The following ATG2A variants were observed in gnomAD, a reference collection of about 807,000 sequenced individuals.
ATG2A encodes autophagy related 2A.
Under a neutral mutation model 214.2 loss-of-function variants are expected in ATG2A, and 103 were observed. That is an observed-to-expected ratio of 0.48 (90% CI 0.41 to 0.57). The LOEUF (loss-of-function observed/expected upper bound fraction) is 0.57. ATG2A is among the 20% of genes least tolerant of loss of function. The probability of loss-of-function intolerance (pLI) is 0.00; values close to 1 mark genes in which losing one functional copy is unlikely to be tolerated. For synonymous variants in ATG2A, 1,160 were observed against 1,142.1 expected (o/e 1.02, Z -0.32); for missense variants, 2,312 against 2,613.2 (o/e 0.88, Z 2.51).
Position 64,898,094 on chromosome 11 carries a change from G to C in ATG2A, c.4850C>G (p.Ser1617Cys), listed in dbSNP as rs778201708. 1 of 1,613,986 alleles carries C rather than the reference G, an allele frequency of 6.2e-7. No individual in the cohort carries two copies. Among genetic ancestry groups the C allele is most frequent in the South Asian group, 1.1e-5 (1 of 91,090 alleles). Residue 1617 changes from serine to cysteine, a missense_variant, in exon 34 of 41, where the codon TCC becomes TGC. Physicochemically the swap from Ser to Cys is moderately radical, Grantham distance 112. Coordinates refer to ENST00000377264, the MANE Select transcript of ATG2A (RefSeq NM_015104.3). This position sits in a 1 kb window ranked among gnomAD's most constrained non-coding sequence, Gnocchi z 4.5. The stretch of plus-strand genomic sequence containing the variant: ...CTGGCCCAGCCTCTCACCCTCAGCG[G>C]AGGTCTCCCCTGGGACCACGGGGTT... Reference protein sequence around the residue: ...GINPVVPGETSAEARPETRAQ... With the variant: ...GINPVVPGETCAEARPETRAQ...
Position 64,906,544 on chromosome 11 carries a change from G to T in ATG2A, c.2984-11C>A. 1.9e-6 allele frequency: 3 copies of T among 1,612,062 alleles called. No individual in the cohort carries two copies. The highest frequency in any genetic ancestry group is 2.5e-6 in the Non-Finnish European group (3 of 1,179,330). On this transcript the variant is annotated splice_polypyrimidine_tract_variant and intron_variant, in intron 20 of 40. Coordinates refer to ENST00000377264, the MANE Select transcript of ATG2A (RefSeq NM_015104.3). ...AGTCATCCACGGCCGCTGGGGAGGG[G>T]TCTCATGAGCCCCCTGCCAAGCCAA... is the stretch of plus-strand genomic sequence containing the variant.
intron 6 of ATG2A, 197 bp from the exon 7 acceptor site, chr11:64,912,620 T>C: frequency 1.8e-6 from 1 of 568,332 alleles, no homozygotes; most frequent in Non-Finnish European, 3.1e-6. Flanking sequence ...TGAGATGGAG[T>C]TTCACTCTTG....
At position 64,913,787 on chromosome 11, in the gene ATG2A, C is replaced by T. The variant is rs1359646999; in HGVS notation, c.590+34G>A. The T allele has an allele frequency of 4.4e-6, 7 of 1,600,358 alleles. No homozygotes were observed. The highest frequency in any genetic ancestry group is 5.1e-6 in the Non-Finnish European group (6 of 1,172,204). ...TCCAGCAGCCCCCACTCCCCATCTT[C>T]ACACCAGTCCACCCCAGATCGGCCT... On this transcript the variant is annotated intron_variant, in intron 4 of 40. Coordinates refer to ENST00000377264, the MANE Select transcript of ATG2A (RefSeq NM_015104.3). This position sits in a 1 kb window ranked among gnomAD's most constrained non-coding sequence, Gnocchi z 4.3.
At chr11:64,907,990 A>G (rs897640379) in intron 16 of ATG2A, 100 bp from the exon 17 acceptor site, 3 of 1,376,834 alleles carry the variant, frequency 2.2e-6, no homozygotes, top group African/African-American at 2.9e-5. Context: ...TTCATCATTC[A>G]TTCATTCATA....
chr11:64,909,530 C>T (rs1366293535), intron 14 of ATG2A, 151 bp downstream of exon 14: 23 of 1,434,858 alleles, frequency 1.6e-5, no homozygotes, highest in African/African-American at 4.2e-5. Flanking sequence ...GTGAGGAGGC[C>T]GGGGACAGGC....
intron 1 of ATG2A, among the ~76,000 whole-genome samples, chr11:64,915,808 T>C (rs1944959161): frequency 6.6e-6 from 1 of 152,078 alleles, no homozygotes; most frequent in African/African-American, 2.4e-5. Flanking sequence ...ATCCTGTCTC[T>C]ATAAAAATAA....
In ATG2A at chr11:64,905,798, G is replaced by T. The variant is rs1268255197; in HGVS notation, c.3315C>A (p.Pro1105=). 6.2e-7 allele frequency: 1 copy of T among 1,613,780 alleles called. No homozygotes were observed. Among genetic ancestry groups the T allele is most frequent in the Non-Finnish European group, 8.5e-7 (1 of 1,180,008 alleles). ...VLDDPVLGYL[P]PTVITILHTH... ...TGTGCAGGATGGTGATGACCGTCGGGGGCAGGTAGCCCAGCACAGGGTCAT... is the reference window on the plus strand; with the variant it reads ...TGTGCAGGATGGTGATGACCGTCGGTGGCAGGTAGCCCAGCACAGGGTCAT... Residue 1105 remains proline, a synonymous_variant, in exon 23 of 41, where the codon CCC becomes CCA. Transcript: ENST00000377264.
chr11:64,917,074 A>G lies in ATG2A; in HGVS notation c.62T>C (p.Leu21Pro). The change falls in exon 1 of 41, where the codon CTG becomes CCG. Residue 21 changes from leucine to proline, a missense_variant. Transcript: ENST00000377264. ...CVKERVCRYL[L>P]HHYLGHFFQE... ...GAAGAAGTGACCTAAGTAGTGGTGC[A>G]GCAAGTAGCGGCAGACCCGCTCTTT... is the stretch of plus-strand genomic sequence containing the variant. 1 of 1,613,634 alleles carries G rather than the reference A, an allele frequency of 6.2e-7. No homozygotes were observed.
intron 30 of ATG2A, 103 bp from the exon 31 acceptor site, chr11:64,900,732 G>A: frequency 1.4e-6 from 2 of 1,454,220 alleles, no homozygotes; most frequent in South Asian, 2.8e-5. Flanking sequence ...GCTAGCCCCA[G>A]TCCTGGAAGG....
chr11:64,913,415 G>A lies in ATG2A; in HGVS notation c.591-14C>T, dbSNP rs1368273962. 4 of 1,564,410 alleles carry A rather than the reference G, an allele frequency of 2.6e-6. No homozygotes were observed. In the African/African-American group the frequency reaches 5.4e-5, roughly 21 times the overall value. ...CAGTACTCCAGTCTGGAGAGTGTAG[G>A]GTCAGCCCGTGCCCTGGCCACCCCA... On this transcript the variant is annotated splice_polypyrimidine_tract_variant and intron_variant, in intron 4 of 40. Coordinates refer to ENST00000377264, the MANE Select transcript of ATG2A (RefSeq NM_015104.3). This position sits in a 1 kb window ranked among gnomAD's most constrained non-coding sequence, Gnocchi z 4.3.
chr11:64,914,327 C>T lies in ATG2A; in HGVS notation c.334+11G>A. On this transcript the variant is annotated intron_variant, in intron 2 of 40. Transcript: ENST00000377264. ...CCCACTTGCCTGCCCCCAGCCTCGCCCTGCCCTCACCTGGACCCCGGCGGG... is the reference window on the plus strand; with the variant it reads ...CCCACTTGCCTGCCCCCAGCCTCGCTCTGCCCTCACCTGGACCCCGGCGGG... The T allele has an allele frequency of 6.3e-7, 1 of 1,590,202 alleles. No individual in the cohort carries two copies. The highest frequency in any genetic ancestry group is 8.6e-7 in the Non-Finnish European group (1 of 1,169,126).
intron 1 of ATG2A, 87 bp downstream of exon 1, chr11:64,916,878 T>TC: frequency 6.5e-7 from 1 of 1,549,784 alleles, no homozygotes; most frequent in Non-Finnish European, 8.7e-7. Context: ...CGGTGCCTGA[T>TC]CCCCCAGCCC....
intron 20 of ATG2A, 61 bp from the exon 21 acceptor site, chr11:64,906,594 C>T (rs1253297381): frequency 1.2e-6 from 2 of 1,608,382 alleles, no homozygotes; most frequent in East Asian, 4.5e-5. Flanking sequence ...CACCCAGGGC[C>T]CACATCCGTC....
intron 9 of ATG2A, 148 bp downstream of exon 9, chr11:64,911,694 C>A: frequency 8.6e-7 from 1 of 1,164,804 alleles, no homozygotes. Context: ...CCAGCTCCCA[C>A]CTTGTTTGGT....
chr11:64,905,757 C>A lies in ATG2A; in HGVS notation c.3356G>T (p.Cys1119Phe). ...ITILHTHLFSCSVDYRPLYLP... is the reference protein window; with the variant it reads ...ITILHTHLFSFSVDYRPLYLP... ...AGCCTGGTACCTATAGTCCACAGAGCAGGAGAACAGGTGTGTGTGCAGGAT... is the reference window on the plus strand; with the variant it reads ...AGCCTGGTACCTATAGTCCACAGAGAAGGAGAACAGGTGTGTGTGCAGGAT... Residue 1119 changes from cysteine to phenylalanine, a missense_variant, in exon 23 of 41, where the codon TGC becomes TTC. Transcript: ENST00000377264. 6.2e-7 allele frequency: 1 copy of A among 1,613,960 alleles called. No homozygotes were observed. The highest frequency in any genetic ancestry group is 1.3e-5 in the African/African-American group (1 of 75,048).
chr11:64,898,924 CTTTT>C lies in ATG2A; in HGVS notation c.4465-86_4465-83del. ...GCTGGCCCCAGACCCCTTCTCTATT[CTTTT>C]TTTGAGACAGAGTCTCACTCTGTCG... On this transcript the variant is annotated intron_variant, in intron 31 of 40. Transcript: ENST00000377264. This position sits in a 1 kb window ranked among gnomAD's most constrained non-coding sequence, Gnocchi z 4.5. The C allele has an allele frequency of 4.4e-6, 6 of 1,352,396 alleles. No homozygotes were observed. Among genetic ancestry groups the C allele is most frequent in the Middle Eastern group, 5.1e-4 (2 of 3,936 alleles). The allele number at this position is 1,352,396 out of a possible 1,614,324, so 83.8% of individuals were successfully genotyped here. A position where few individuals can be genotyped will look rare whatever the true frequency, so the allele number is the denominator to read the frequency against.
At chr11:64,900,457 A>G in intron 31 of ATG2A, 37 bp downstream of exon 31, 3 of 1,612,214 alleles carry the variant, frequency 1.9e-6, no homozygotes, top group Non-Finnish European at 2.5e-6. Flanking sequence ...TTGTTCTATG[A>G]CACACACGTG....
Position 64,911,158 on chromosome 11 carries a change from GGT to G in ATG2A, c.1344_1345del (p.Pro449Ter). On this transcript the variant is annotated frameshift_variant, in exon 10 of 41. Transcript: ENST00000377264. LOFTEE classifies it high-confidence loss of function. The stretch of plus-strand genomic sequence containing the variant: ...GGTGAAAAAGTGCGTGGCGAGGTCA[GGT>G]GGTCCGGAAGATGGGGCAGACGTCT... 6.2e-7 allele frequency: 1 copy of G among 1,614,188 alleles called. No individual in the cohort carries two copies. The highest frequency in any genetic ancestry group is 1.3e-5 in the African/African-American group (1 of 75,062).
At chr11:64,912,590 G>A (rs1306153631) in intron 6 of ATG2A, 167 bp from the exon 7 acceptor site, 1 of 600,152 alleles carries the variant, frequency 1.7e-6, no homozygotes, top group African/African-American at 1.9e-5. Flanking sequence ...CTCAGCCTCA[G>A]TTTCTTTTTT....
Sources: allele counts gnomAD v4.1 joint callset (sites outside exome capture counted in the v4.1 genomes callset), GRCh38; gene constraint gnomAD v4.1.1; non-coding constraint Gnocchi (gnomAD v3.1); transcripts MANE v1.5; gene names NCBI Gene and HGNC (gene_info 2026-07-23, HGNC 2026-07-21).